Variants in UACA observed in about 807,000 individuals in gnomAD.
UACA encodes the protein uveal autoantigen with coiled-coil domains and ankyrin repeats.
UACA carries 112 observed loss-of-function variants against 160.5 expected under a neutral mutation model. The observed-to-expected ratio is 0.70, with a 90% CI of 0.60 to 0.82. The LOEUF is 0.82. Ranked by LOEUF, UACA falls within the 40% of genes least tolerant of loss-of-function variation. The pLI is 0.00. For synonymous variants in UACA, 557 were observed against 568.4 expected, an observed-to-expected ratio of 0.98 and a Z score of 0.29; for missense variants, 1,574 against 1,614.6, an observed-to-expected ratio of 0.97 and a Z score of 0.43.
intron 1 of UACA, among the ~76,000 whole-genome samples, chr15:70,729,288 G>T (rs1400042650): frequency 6.6e-6 from 1 of 152,074 alleles, no homozygotes; most frequent in African/African-American, 2.4e-5. Context: ...AGCAACTTAG[G>T]TCCCATCAAG....
At chr15:70,776,252 G>A in the UACA span, among the ~76,000 whole-genome samples, 4 of 152,014 alleles carry the variant, frequency 2.6e-5, no homozygotes, top group South Asian at 2.1e-4. Context: ...GAGAACTTAC[G>A]ACAGAGAAAA....
rs1033771790 is a variant in UACA at position 70,714,449 on chromosome 15, T to C, written c.79-14789A>G. Among the ~76,000 whole-genome samples the C allele has an allele frequency of 2.6e-5, 4 of 152,152 alleles. No homozygotes were observed. The East Asian group carries it at 7.7e-4, about 29-fold the overall frequency. ...ATGCCTCATTCACTTCTGTTATCCT[T>C]CCACTGTATGATTTGAAAGTATGTA... On this transcript the variant is annotated intron_variant, in intron 1 of 18. Coordinates refer to ENST00000322954, the MANE Select transcript of UACA (RefSeq NM_018003.4).
Position 70,690,171 on chromosome 15 carries a change from T to A in UACA, c.424+283A>T, listed in dbSNP as rs115616955. Among the ~76,000 whole-genome samples, 3,597 of 149,688 alleles carry A rather than the reference T, an allele frequency of 0.024. 150 individuals carry two copies. The highest frequency in any genetic ancestry group is 0.081 in the African/African-American group (3,316 of 41,046). On this transcript the variant is annotated intron_variant, in intron 5 of 18. Transcript: ENST00000322954. The stretch of plus-strand genomic sequence containing the variant: ...CTCTGTTTCCCTCTCTCTCTCTCTC[T>A]CACACACACACACACACAGCTTGGA...
intron 11 of UACA, 89 bp from the exon 12 acceptor site, chr15:70,677,229 G>A (rs1897327932): frequency 9.9e-7 from 1 of 1,014,292 alleles, no homozygotes; most frequent in Non-Finnish European, 1.5e-6. Context: ...AAAAAGATTG[G>A]CAAATGTCTT....
intron 1 of UACA, among the ~76,000 whole-genome samples, chr15:70,753,428 T>C (rs553633469): frequency 3.9e-5 from 6 of 152,296 alleles, no homozygotes; most frequent in Admixed American, 6.5e-5. Context: ...TCTCTCCCCT[T>C]CTCCAATTTT....
intron 17 of UACA, among the ~76,000 whole-genome samples, chr15:70,662,338 A>G (rs1896739366): frequency 6.6e-6 from 1 of 152,164 alleles, no homozygotes; most frequent in African/African-American, 2.4e-5. Flanking sequence ...CAAACTACAA[A>G]CCACTGCTCA....
intron 1 of UACA, among the ~76,000 whole-genome samples, chr15:70,735,207 G>C (rs1025620972): frequency 6.9e-6 from 1 of 144,574 alleles, no homozygotes; most frequent in Non-Finnish European, 1.5e-5. Flanking sequence ...GCAGACAGAG[G>C]GATGGGGGGA....
Position 70,716,419 on chromosome 15 carries a change from T to C in UACA, c.79-16759A>G, listed in dbSNP as rs559841979. ...ACCATGTAGCAGAGTCCAGCCCAAA[T>C]TGCTGACCTACGAAGTCATCAGCAA... is the stretch of plus-strand genomic sequence containing the variant. On this transcript the variant is annotated intron_variant, in intron 1 of 18. Transcript: ENST00000322954. 4.1e-4 allele frequency among the ~76,000 whole-genome samples: 62 copies of C among 152,264 alleles called. No homozygotes were observed. In the Middle Eastern group the frequency reaches 0.014, roughly 33 times the overall value.
At chr15:70,777,719 G>A in the UACA span, among the ~76,000 whole-genome samples, 2 of 152,138 alleles carry the variant, frequency 1.3e-5, no homozygotes, top group Non-Finnish European at 2.9e-5. Flanking sequence ...TAGTGTTGAG[G>A]GGGAAGTGAG....
rs149856709 is a variant in UACA, at chr15:70,698,421, T to C, written c.212+1106A>G. On this transcript the variant is annotated intron_variant, in intron 2 of 18. Coordinates refer to ENST00000322954, the MANE Select transcript of UACA (RefSeq NM_018003.4). The stretch of plus-strand genomic sequence containing the variant: ...TTCACAATTTATGCTGTGAGCCCTA[T>C]AAATAGCTTAAAATTCAGTAATGGG... 3.1e-3 allele frequency among the ~76,000 whole-genome samples: 470 copies of C among 152,330 alleles called. 1 individual carries two copies. Among genetic ancestry groups the C allele is most frequent in the Non-Finnish European group, 3.3e-3 (227 of 68,026 alleles).
In UACA at chr15:70,655,798, C is replaced by T. The variant is rs1363046107; in HGVS notation, c.*1258G>A. On this transcript the variant is annotated 3_prime_UTR_variant, in exon 19 of 19. Transcript: ENST00000322954. ...AAAAATGGGATTTAAAAATCTGGTT[C>T]GGGATGTTCAAAGATAATTGCTAAG... The T allele has an allele frequency of 6.6e-6, 1 of 152,034 alleles. No individual in the cohort carries two copies. Among genetic ancestry groups the T allele is most frequent in the African/African-American group, 2.4e-5 (1 of 41,398 alleles). 9.4% of individuals were successfully genotyped at this position (152,034 alleles called of 1,614,324 possible). A position where few individuals can be genotyped will look rare whatever the true frequency, so the allele number is the denominator to read the frequency against.
chr15:70,751,373 G>A (rs994729653), intron 1 of UACA, among the ~76,000 whole-genome samples: 1 of 152,134 alleles, frequency 6.6e-6, no homozygotes, highest in Non-Finnish European at 1.5e-5. Context: ...CCTATTAATT[G>A]GAAAGGAAAA....
intron 7 of UACA, among the ~76,000 whole-genome samples, chr15:70,685,401 G>C (rs757455200): frequency 2.0e-5 from 3 of 152,012 alleles, no homozygotes; most frequent in Non-Finnish European, 4.4e-5. Flanking sequence ...ATCTCTTAAG[G>C]AAACTGACTC....
chr15:70,679,361 C>G (rs1463776780), intron 10 of UACA, among the ~76,000 whole-genome samples: 1 of 151,376 alleles, frequency 6.6e-6, no homozygotes, highest in African/African-American at 2.4e-5. Flanking sequence ...CGAGATCATG[C>G]CACTGCACTC....
chr15:70,668,617 C>G lies in UACA; in HGVS notation c.2067G>C (p.Gln689His), dbSNP rs776143210. Residue 689 changes from glutamine to histidine, a missense_variant, in exon 16 of 19, where the codon CAG becomes CAC. Gln to His is a conservative substitution (Grantham distance 24, BLOSUM62 0). Coordinates refer to ENST00000322954, the MANE Select transcript of UACA (RefSeq NM_018003.4). ...AQHVKPEEHEQVKSRLEQKSG... is the reference protein window; with the variant it reads ...AQHVKPEEHEHVKSRLEQKSG... ...ATTTCTGTTCTAATCTGCTCTTAAC[C>G]TGTTCATGTTCCTCTGGTTTGACGT... 2 of 1,613,910 alleles carry G rather than the reference C, an allele frequency of 1.2e-6. No homozygotes were observed. Among genetic ancestry groups the G allele is most frequent in the South Asian group, 2.2e-5 (2 of 91,074 alleles).
chr15:70,748,601 C>T (rs1404667131), intron 1 of UACA, among the ~76,000 whole-genome samples: 1 of 152,150 alleles, frequency 6.6e-6, no homozygotes, highest in African/African-American at 2.4e-5. Flanking sequence ...TGCACACCAA[C>T]ATTCTCTTCC....
intron 18 of UACA, among the ~76,000 whole-genome samples, chr15:70,657,699 T>C (rs755278047): frequency 9.9e-5 from 15 of 152,218 alleles, no homozygotes; most frequent in East Asian, 3.9e-4. Flanking sequence ...CCTTGGATGA[T>C]AGGGGCAGCA....
At chr15:70,710,561 T>A (rs1842701458) in intron 1 of UACA, among the ~76,000 whole-genome samples, 1 of 152,070 alleles carries the variant, frequency 6.6e-6, no homozygotes, top group Non-Finnish European at 1.5e-5. Context: ...CTCCCACCCT[T>A]CAGATGCCAA....
the UACA span, among the ~76,000 whole-genome samples, chr15:70,777,770 A>G: frequency 2.0e-5 from 3 of 152,298 alleles, no homozygotes; most frequent in South Asian, 6.2e-4. Context: ...AATCGGAGGA[A>G]AAGAACTGGA....
Sources: allele counts gnomAD v4.1 joint callset (sites outside exome capture counted in the v4.1 genomes callset), GRCh38; gene constraint gnomAD v4.1.1; transcripts MANE v1.5; gene names NCBI Gene and HGNC (gene_info 2026-07-23, HGNC 2026-07-21).